Variants in ACOT12 observed in about 807,000 individuals in gnomAD.
The protein encoded by ACOT12 is acetyl-coenzyme A thioesterase.
ACOT12 carries 51 observed loss-of-function variants against 67.7 expected under a neutral mutation model. The ratio of observed to expected loss-of-function variants is 0.75; its 90% CI spans 0.60 to 0.95. The LOEUF (loss-of-function observed/expected upper bound fraction) is 0.95. Ranked by LOEUF, ACOT12 falls within the 40% of genes least tolerant of loss-of-function variation. ACOT12 has a pLI of 0.00. For synonymous variants in ACOT12, 251 were observed against 244.6 expected, an observed-to-expected ratio of 1.03 and a Z score of -0.24; for missense variants, 734 against 708.1, an observed-to-expected ratio of 1.04 and a Z score of -0.41.
intron 5 of ACOT12, among the ~76,000 whole-genome samples, chr5:81,353,042 G>C (rs915556252): frequency 1.3e-5 from 2 of 152,152 alleles, no homozygotes; most frequent in African/African-American, 4.8e-5. Flanking sequence ...AAAAAATTAA[G>C]AGAAGGCCTT....
chr5:81,371,945 C>A, intron 2 of ACOT12, 135 bp from the exon 3 acceptor site: 2 of 714,544 alleles, frequency 2.8e-6, no homozygotes, highest in Non-Finnish European at 4.7e-6. Context: ...ATGCGAAATT[C>A]AGGTTAATGA....
At chr5:81,333,027 C>T (rs925760146) in intron 12 of ACOT12, among the ~76,000 whole-genome samples, 7 of 151,020 alleles carry the variant, frequency 4.6e-5, no homozygotes, top group African/African-American at 1.7e-4. Flanking sequence ...CATGACTGTG[C>T]CACTGCAGTC....
chr5:81,342,867 T>A, intron 10 of ACOT12, 112 bp from the exon 11 acceptor site: 1 of 1,081,184 alleles, frequency 9.2e-7, no homozygotes, highest in South Asian at 1.4e-5. Context: ...TGTTGAGTCC[T>A]AGTGATAATG....
At chr5:81,363,012 T>A (rs1759965577) in intron 4 of ACOT12, among the ~76,000 whole-genome samples, 1 of 152,156 alleles carries the variant, frequency 6.6e-6, no homozygotes, top group Non-Finnish European at 1.5e-5. Flanking sequence ...GAGACCAACC[T>A]GACCAACATG....
At chr5:81,356,125 T>A (rs1280308173) in intron 5 of ACOT12, among the ~76,000 whole-genome samples, 2 of 152,144 alleles carry the variant, frequency 1.3e-5, no homozygotes, top group Admixed American at 6.5e-5. Flanking sequence ...CCTGTGTATA[T>A]GACATAAAGG....
At chr5:81,325,335 T>C (rs1232526304), downstream of ACOT12, among the ~76,000 whole-genome samples, 1 of 152,158 alleles carries the variant, frequency 6.6e-6, no homozygotes, top group East Asian at 1.9e-4. Flanking sequence ...GGAGTAGAAT[T>C]ACCAGCCTCC....
At chr5:81,321,129 A>C in the ACOT12 span, among the ~76,000 whole-genome samples, 1 of 152,130 alleles carries the variant, frequency 6.6e-6, no homozygotes, top group Non-Finnish European at 1.5e-5. Context: ...GGTGGCTTGC[A>C]CCTGTAGTCC....
intron 3 of ACOT12, 54 bp from the exon 4 acceptor site, chr5:81,363,943 A>G (rs2153855103): frequency 7.5e-7 from 1 of 1,335,258 alleles, no homozygotes; most frequent in Non-Finnish European, 9.9e-7. Context: ...AGATTTCAGC[A>G]TTCAAAATTT....
intron 1 of ACOT12, among the ~76,000 whole-genome samples, chr5:81,392,488 C>T (rs1717533283): frequency 6.6e-6 from 1 of 152,084 alleles, no homozygotes; most frequent in Admixed American, 6.6e-5. Context: ...TCAATTGGAT[C>T]TTTCCATGGT....
At chr5:81,361,684 A>G (rs1184345885) in intron 4 of ACOT12, among the ~76,000 whole-genome samples, 1 of 151,918 alleles carries the variant, frequency 6.6e-6, no homozygotes, top group African/African-American at 2.4e-5. Context: ...GTGCCTGGAG[A>G]CCTCCACCCT....
chr5:81,330,668 T>C (rs976967864), intron 14 of ACOT12, 125 bp from the exon 15 acceptor site: 49 of 1,473,478 alleles, frequency 3.3e-5, no homozygotes, highest in Non-Finnish European at 4.5e-5. Context: ...CCTTCTGGAA[T>C]AGATGATCCG....
At chr5:81,371,350 T>C (rs1760243995) in intron 3 of ACOT12, among the ~76,000 whole-genome samples, 1 of 152,116 alleles carries the variant, frequency 6.6e-6, no homozygotes, top group Non-Finnish European at 1.5e-5. Flanking sequence ...ACTCCTGGGC[T>C]CAAGCAATCC....
At chr5:81,324,005 G>A in the ACOT12 span, among the ~76,000 whole-genome samples, 17 of 151,430 alleles carry the variant, frequency 1.1e-4, no homozygotes, top group Admixed American at 5.3e-4. Flanking sequence ...GCAGTGGTGC[G>A]ATCTTGGCTC....
chr5:81,340,042 CT>C (rs1257423189), intron 11 of ACOT12, among the ~76,000 whole-genome samples: 491 of 142,464 alleles, frequency 3.4e-3, no homozygotes, highest in Middle Eastern at 3.6e-3. Context: ...AAGTATGATT[CT>C]TTTTTTTTTT....
intron 5 of ACOT12, among the ~76,000 whole-genome samples, chr5:81,354,976 G>A (rs1025953746): frequency 6.6e-6 from 1 of 152,156 alleles, no homozygotes; most frequent in Admixed American, 6.5e-5. Context: ...ATAGGCATAA[G>A]CCACCGCCAG....
chr5:81,340,811 T>C (rs1268646435), intron 11 of ACOT12, among the ~76,000 whole-genome samples: 1 of 152,264 alleles, frequency 6.6e-6, no homozygotes, highest in Non-Finnish European at 1.5e-5. Context: ...AAACATCTTT[T>C]ATCAGATTTT....
chr5:81,379,838 G>A (rs1215107944), intron 2 of ACOT12, among the ~76,000 whole-genome samples: 1 of 152,112 alleles, frequency 6.6e-6, no homozygotes. Flanking sequence ...GGGGTCAAGC[G>A]ATCTTCCTGC....
intron 11 of ACOT12, among the ~76,000 whole-genome samples, chr5:81,337,780 T>C (rs1292751374): frequency 6.6e-6 from 1 of 152,204 alleles, no homozygotes; most frequent in Non-Finnish European, 1.5e-5. Flanking sequence ...TTCTAATGTG[T>C]CCACTACCCA....
rs71000823 is a variant in ACOT12 at position 81,387,532 on chromosome 5, CTT to C, written c.128-1708_128-1707del. 1.1e-3 allele frequency among the ~76,000 whole-genome samples: 135 copies of C among 127,210 alleles called. 1 individual carries two copies. Among genetic ancestry groups the C allele is most frequent in the Admixed American group, 2.6e-3 (32 of 12,314 alleles). 83.5% of individuals were successfully genotyped at this position (127,210 alleles called of 152,430 possible). On this transcript the variant is annotated intron_variant, in intron 1 of 14. Coordinates refer to ENST00000307624, the MANE Select transcript of ACOT12 (RefSeq NM_130767.3). Reference sequence around the variant, plus strand: ...ATACCAACATGAGTATCTTGAGTATCTTTTTTTTTTTTTTTTTTTTAAGAGAC... The same window carrying C: ...ATACCAACATGAGTATCTTGAGTATCTTTTTTTTTTTTTTTTTTAAGAGAC...
Sources: allele counts gnomAD v4.1 joint callset (sites outside exome capture counted in the v4.1 genomes callset), GRCh38; gene constraint gnomAD v4.1.1; transcripts MANE v1.5; gene names NCBI Gene and HGNC (gene_info 2026-07-23, HGNC 2026-07-21).